The following ARHGAP42 variants were observed in gnomAD, a reference collection of about 807,000 sequenced individuals.
ARHGAP42 encodes the protein Rho GTPase activating protein 42.
Under a neutral mutation model 125.0 loss-of-function variants are expected in ARHGAP42, and 63 were observed. The observed-to-expected ratio is 0.50, with a 90% confidence interval of 0.41 to 0.62. The LOEUF (loss-of-function observed/expected upper bound fraction) is 0.62. ARHGAP42 is among the 20% of genes least tolerant of loss of function. The pLI, the probability that ARHGAP42 is intolerant of heterozygous loss-of-function variation, is 0.00. For missense variants in ARHGAP42, 766 were observed against 1,024.2 expected (o/e 0.75, Z 3.44); for synonymous variants, 339 against 351.0 (o/e 0.97, Z 0.38).
intron 4 of ARHGAP42, among the ~76,000 whole-genome samples, chr11:100,862,157 G>A (rs1480531474): frequency 1.3e-5 from 2 of 152,176 alleles, no homozygotes; most frequent in Admixed American, 6.5e-5. Context: ...ACTGTGAGGT[G>A]TGGGTACTAG....
At chr11:100,980,724 C>G (rs1305635055) in intron 22 of ARHGAP42, among the ~76,000 whole-genome samples, 1 of 151,358 alleles carries the variant, frequency 6.6e-6, no homozygotes, top group Non-Finnish European at 1.5e-5. Context: ...GTGTGTGCCA[C>G]CATGTGCAGC....
At chr11:100,975,984 A>C in intron 19 of ARHGAP42, 73 bp from the exon 20 acceptor site, 4 of 1,431,502 alleles carry the variant, frequency 2.8e-6, no homozygotes, top group Non-Finnish European at 3.7e-6. Context: ...GTTGGAGAAC[A>C]GAAGGGTTTT....
chr11:100,992,210 A>C lies in ARHGAP42; in HGVS notation c.*3409A>C. 1 of 1,364,392 alleles carries C rather than the reference A, an allele frequency of 7.3e-7. No individual in the cohort carries two copies. Among genetic ancestry groups the C allele is most frequent in the Non-Finnish European group, 9.9e-7 (1 of 1,010,564 alleles). 84.5% of individuals were successfully genotyped at this position (1,364,392 alleles called of 1,614,324 possible). ...GCCTTCTTTAGCATTTAGAACCCCA[A>C]CTAGACTTATACTTTGACTAAAGTC... On this transcript the variant is annotated 3_prime_UTR_variant, in exon 24 of 24. Transcript: ENST00000298815.
In ARHGAP42 at chr11:100,833,985, A is replaced by T. The variant is rs373546814; in HGVS notation, c.313-25569A>T. ...ATGACTGTTTCAAGGGATCATACTA[A>T]AATCTTAGGTTTGGAAAATAAAATG... On this transcript the variant is annotated intron_variant, in intron 3 of 23. Transcript: ENST00000298815. 1.1e-4 allele frequency among the ~76,000 whole-genome samples: 17 copies of T among 152,314 alleles called. No individual in the cohort carries two copies. In the East Asian group the frequency reaches 1.7e-3, roughly 16 times the overall value.
chr11:100,961,380 A>G (rs1857950407), intron 14 of ARHGAP42, among the ~76,000 whole-genome samples: 2 of 152,100 alleles, frequency 1.3e-5, no homozygotes, highest in Non-Finnish European at 2.9e-5. Context: ...AAGAGTTGTG[A>G]GGATTGACTA....
At chr11:100,901,918 C>T (rs1866564025) in intron 4 of ARHGAP42, among the ~76,000 whole-genome samples, 1 of 152,246 alleles carries the variant, frequency 6.6e-6, no homozygotes, top group Admixed American at 6.5e-5. Flanking sequence ...CTGTGGGCGG[C>T]ACCCACCATC....
rs1040703463 is a variant in ARHGAP42, at chr11:100,943,885, T to C, written c.1043+17T>C. On this transcript the variant is annotated intron_variant, in intron 10 of 23. Coordinates refer to ENST00000298815, the MANE Select transcript of ARHGAP42 (RefSeq NM_152432.4). ...AGTTGAAAGGTTTGAGCTGTTCTTTTCACTTTATTTTTTTCATAAGCTAAA... is the reference window on the plus strand; with the variant it reads ...AGTTGAAAGGTTTGAGCTGTTCTTTCCACTTTATTTTTTTCATAAGCTAAA... The C allele has an allele frequency of 1.1e-5, 16 of 1,465,620 alleles. No homozygotes were observed. Among genetic ancestry groups the C allele is most frequent in the Non-Finnish European group, 1.5e-5 (16 of 1,077,660 alleles). The allele number at this position is 1,465,620 out of a possible 1,614,324, so 90.8% of individuals were successfully genotyped here. A position where few individuals can be genotyped will look rare whatever the true frequency, so the allele number is the denominator to read the frequency against.
Position 100,943,755 on chromosome 11 carries a change from T to G in ARHGAP42, c.934-4T>G, listed in dbSNP as rs1453772620. ...TTAATACTGTGGTACTCTTCTTGTT[T>G]CAGAATGGCCTTGTTACTAGCTCAC... On this transcript the variant is annotated splice_region_variant and splice_polypyrimidine_tract_variant and intron_variant, in intron 9 of 23. Transcript: ENST00000298815. 6.5e-7 allele frequency: 1 copy of G among 1,539,530 alleles called. No individual in the cohort carries two copies.
chr11:100,779,767 T>C (rs1488998179), intron 2 of ARHGAP42, among the ~76,000 whole-genome samples: 5 of 151,828 alleles, frequency 3.3e-5, no homozygotes, highest in African/African-American at 1.2e-4. Context: ...GACTCACATC[T>C]GTAATCCCAG....
At chr11:100,946,245 A>G (rs1565288828) in intron 10 of ARHGAP42, among the ~76,000 whole-genome samples, 1 of 152,136 alleles carries the variant, frequency 6.6e-6, no homozygotes, top group Non-Finnish European at 1.5e-5. Flanking sequence ...CATTGGCTTA[A>G]GAGAATGTTA....
chr11:100,813,469 A>G (rs1311791159), intron 3 of ARHGAP42, among the ~76,000 whole-genome samples: 1 of 152,252 alleles, frequency 6.6e-6, no homozygotes, highest in Non-Finnish European at 1.5e-5. Flanking sequence ...CATGTTAAAT[A>G]TTAGCCAAAT....
At chr11:100,792,218 C>G (rs1308482754) in intron 2 of ARHGAP42, among the ~76,000 whole-genome samples, 2 of 152,086 alleles carry the variant, frequency 1.3e-5, no homozygotes, top group Non-Finnish European at 2.9e-5. Context: ...TGACAGGCTT[C>G]TATGTACTAG....
chr11:100,699,524 T>A (rs866721478), intron 1 of ARHGAP42, among the ~76,000 whole-genome samples: 91 of 98,860 alleles, frequency 9.2e-4, no homozygotes, highest in Non-Finnish European at 1.4e-3. Flanking sequence ...TTTTTTTTTT[T>A]TTTTTTTTTT....
intron 3 of ARHGAP42, among the ~76,000 whole-genome samples, chr11:100,826,680 C>T (rs1864521529): frequency 6.6e-6 from 1 of 152,122 alleles, no homozygotes; most frequent in Non-Finnish European, 1.5e-5. Flanking sequence ...TCTAAACCCC[C>T]AAATTTCCTG....
intron 1 of ARHGAP42, among the ~76,000 whole-genome samples, chr11:100,704,513 T>A (rs1242661512): frequency 6.6e-6 from 1 of 152,216 alleles, no homozygotes; most frequent in East Asian, 1.9e-4. Flanking sequence ...CTTCCCAGTA[T>A]TGCCTTCATT....
intron 10 of ARHGAP42, among the ~76,000 whole-genome samples, chr11:100,944,184 G>T (rs760455806): frequency 1.3e-5 from 2 of 151,976 alleles, no homozygotes; most frequent in African/African-American, 2.4e-5. Context: ...ATATTTCATG[G>T]CTCCAGGATC....
At chr11:100,985,232 T>C (rs951219200) in intron 22 of ARHGAP42, among the ~76,000 whole-genome samples, 1 of 152,226 alleles carries the variant, frequency 6.6e-6, no homozygotes. Context: ...TAAAGAATAT[T>C]GTAATCACTT....
chr11:100,722,515 C>G (rs992521974), intron 1 of ARHGAP42, among the ~76,000 whole-genome samples: 4 of 151,762 alleles, frequency 2.6e-5, no homozygotes, highest in Non-Finnish European at 5.9e-5. Context: ...CTCAGCCTCC[C>G]GAGTAGCTGG....
chr11:100,822,060 C>G (rs901476647), intron 3 of ARHGAP42, among the ~76,000 whole-genome samples: 1 of 152,104 alleles, frequency 6.6e-6, no homozygotes, highest in Non-Finnish European at 1.5e-5. Context: ...CCATGTGACT[C>G]TAAGGGAATC....
Sources: gnomAD v4.1 joint callset for allele counts (sites outside exome capture counted in the v4.1 genomes callset) on GRCh38, gnomAD v4.1.1 for gene constraint, MANE v1.5 for transcripts, NCBI Gene and HGNC (gene_info 2026-07-23, HGNC 2026-07-21) for gene names.